The following ATP11B variants were observed in gnomAD, a reference collection of about 807,000 sequenced individuals.
ATP11B encodes ATPase phospholipid transporting 11B (putative), also known as phospholipid-transporting ATPase IF.
In ATP11B, 81 loss-of-function variants were observed where a neutral mutation model predicts 157.8. That is an observed-to-expected ratio of 0.51 (90% confidence interval 0.43 to 0.62). The LOEUF (loss-of-function observed/expected upper bound fraction) is 0.62, where lower values mean the gene tolerates loss of function less well. Among genes scored for constraint, ATP11B ranks in the 20% least tolerant of loss-of-function variants. The pLI is 0.00. For synonymous variants in ATP11B, 451 were observed against 469.4 expected (o/e 0.96, Z 0.51); for missense variants, 1,165 against 1,402.2 (o/e 0.83, Z 2.70).
intron 1 of ATP11B, among the ~76,000 whole-genome samples, chr3:182,810,820 G>T (rs1169328418): frequency 1.3e-5 from 2 of 152,134 alleles, no homozygotes; most frequent in East Asian, 3.8e-4. Flanking sequence ...AATACTTGTG[G>T]TATAACTTAC....
In ATP11B at chr3:182,854,210, C is replaced by G. The variant is rs978495308; in HGVS notation, c.852-3668C>G. Among the ~76,000 whole-genome samples the G allele has an allele frequency of 2.0e-5, 3 of 152,262 alleles. No homozygotes were observed. The South Asian group carries it at 6.2e-4, about 32-fold the overall frequency. ...AAGAGCTGGGCGCGGTGGCTCACAC[C>G]AGTAATCCCAGCACTTTGGGAGGCC... On this transcript the variant is annotated intron_variant, in intron 10 of 29. Coordinates refer to ENST00000323116, the MANE Select transcript of ATP11B (RefSeq NM_014616.3).
chr3:182,882,329 C>G (rs1398530430), intron 21 of ATP11B, among the ~76,000 whole-genome samples: 1 of 151,588 alleles, frequency 6.6e-6, no homozygotes, highest in Non-Finnish European at 1.5e-5. Context: ...ACATTTAAGG[C>G]TATAAAAAAA....
intron 7 of ATP11B, among the ~76,000 whole-genome samples, chr3:182,840,131 G>A (rs1718892294): frequency 1.3e-5 from 2 of 152,030 alleles, no homozygotes; most frequent in Non-Finnish European, 2.9e-5. Context: ...TTCAAATACT[G>A]TATGGTACCT....
chr3:182,857,210 A>C (rs1442595897), intron 10 of ATP11B, among the ~76,000 whole-genome samples: 1 of 152,138 alleles, frequency 6.6e-6, no homozygotes, highest in Non-Finnish European at 1.5e-5. Context: ...CAGTGGCACG[A>C]TCTCGCCTCA....
intron 10 of ATP11B, among the ~76,000 whole-genome samples, chr3:182,853,206 C>CT: frequency 6.6e-6 from 1 of 151,868 alleles, no homozygotes; most frequent in Non-Finnish European, 1.5e-5. Flanking sequence ...AAAGAGAAAC[C>CT]TTTTTTATTT....
intron 13 of ATP11B, 46 bp from the exon 14 acceptor site, chr3:182,866,222 T>C: frequency 7.1e-7 from 1 of 1,403,854 alleles, no homozygotes; most frequent in Non-Finnish European, 9.5e-7. Flanking sequence ...CTAAATGGTA[T>C]GTGGAAATGA....
chr3:182,921,269 TC>T lies in ATP11B; in HGVS notation c.*3169del, dbSNP rs1359839153. 6.6e-6 allele frequency: 1 copy of T among 152,176 alleles called. No homozygotes were observed. Among genetic ancestry groups the T allele is most frequent in the Non-Finnish European group, 1.5e-5 (1 of 68,026 alleles). The allele number at this position is 152,176 out of a possible 1,614,324, so 9.4% of individuals were successfully genotyped here. A position where few individuals can be genotyped will look rare whatever the true frequency, so the allele number is the denominator to read the frequency against. On this transcript the variant is annotated 3_prime_UTR_variant, in exon 30 of 30. Transcript: ENST00000323116. ...GTAAAACATGTTTTATTAATTTTGG[TC>T]CCCACGTACAGACATTTTATTTCTA...
intron 1 of ATP11B, among the ~76,000 whole-genome samples, chr3:182,804,239 TTTTTTTTTTC>T (rs1296101838): frequency 1.3e-5 from 2 of 149,694 alleles, no homozygotes; most frequent in Admixed American, 6.7e-5. Flanking sequence ...TTTAGATTTC[TTTTTTTTTTC>T]TTTTTTTTTC....
At chr3:182,851,024 G>A (rs1719936196) in intron 10 of ATP11B, among the ~76,000 whole-genome samples, 1 of 152,172 alleles carries the variant, frequency 6.6e-6, no homozygotes, top group East Asian at 1.9e-4. Context: ...CTTCATTAGT[G>A]GCACACACCC....
At chr3:182,836,603 A>T in intron 6 of ATP11B, 133 bp downstream of exon 6, 1 of 1,074,716 alleles carries the variant, frequency 9.3e-7, no homozygotes, top group South Asian at 1.7e-5. Flanking sequence ...TATTTCAAAA[A>T]TAAAAAGGTT....
chr3:182,815,314 G>A (rs1255463955), intron 1 of ATP11B, among the ~76,000 whole-genome samples: 1 of 152,142 alleles, frequency 6.6e-6, no homozygotes, highest in African/African-American at 2.4e-5. Context: ...CCTTAGTCTG[G>A]TCTGTTAACA....
Position 182,817,782 on chromosome 3 carries a change from T to A in ATP11B, c.28-2478T>A, listed in dbSNP as rs954909953. ...GGTGTTGCTGTAGTTATCTTGCTGT[T>A]ATTTTGGGTCCTTTTTTTTTTGTTT... On this transcript the variant is annotated intron_variant, in intron 1 of 29. Transcript: ENST00000323116. 4.6e-5 allele frequency among the ~76,000 whole-genome samples: 7 copies of A among 151,538 alleles called. No homozygotes were observed. The East Asian group carries it at 1.4e-3, about 29-fold the overall frequency.
At chr3:182,798,083 G>A (rs932041598) in intron 1 of ATP11B, among the ~76,000 whole-genome samples, 3 of 152,140 alleles carry the variant, frequency 2.0e-5, no homozygotes, top group African/African-American at 7.2e-5. Context: ...GCTGCAGTGA[G>A]CCATGATCAT....
chr3:182,828,225 C>G lies in ATP11B; in HGVS notation c.234+16C>G. On this transcript the variant is annotated intron_variant, in intron 3 of 29. Transcript: ENST00000323116. ...TTTGGTTCAGGTAAGCTTTATTACT[C>G]AATCTTAAGTTTGTAAACATAGTTT... 8.3e-7 allele frequency: 1 copy of G among 1,204,768 alleles called. No homozygotes were observed. Among genetic ancestry groups the G allele is most frequent in the Non-Finnish European group, 1.2e-6 (1 of 857,290 alleles). 74.6% of individuals were successfully genotyped at this position (1,204,768 alleles called of 1,614,324 possible).
At position 182,918,559 on chromosome 3, in the gene ATP11B, T is replaced by C. The variant is rs1034582308; in HGVS notation, c.*455T>C. 1 of 391,906 alleles carries C rather than the reference T, an allele frequency of 2.6e-6. No individual in the cohort carries two copies. The allele number at this position is 391,906 out of a possible 1,614,324, so 24.3% of individuals were successfully genotyped here. ...GAACTCTATTTTTTTATTAGAGTTATATTTAAAGCTTTTCATGGGAAAAGT... is the reference window on the plus strand; with the variant it reads ...GAACTCTATTTTTTTATTAGAGTTACATTTAAAGCTTTTCATGGGAAAAGT... On this transcript the variant is annotated 3_prime_UTR_variant, in exon 30 of 30. Transcript: ENST00000323116.
At chr3:182,909,765 A>G (rs1724635399) in intron 28 of ATP11B, among the ~76,000 whole-genome samples, 1 of 152,138 alleles carries the variant, frequency 6.6e-6, no homozygotes, top group Non-Finnish European at 1.5e-5. Context: ...AACATTCAGC[A>G]TTTTAAAAGC....
At chr3:182,814,978 A>G (rs1346630824) in intron 1 of ATP11B, among the ~76,000 whole-genome samples, 10 of 152,196 alleles carry the variant, frequency 6.6e-5, no homozygotes, top group African/African-American at 2.4e-4. Context: ...CTCCACTGAG[A>G]AGGAAGCTCT....
intron 2 of ATP11B, among the ~76,000 whole-genome samples, chr3:182,826,766 G>A (rs1717751461): frequency 6.6e-6 from 1 of 152,154 alleles, no homozygotes; most frequent in African/African-American, 2.4e-5. Context: ...ATAGGCTTTT[G>A]TGGGCTTTTC....
chr3:182,910,525 C>T (rs1489560183), intron 28 of ATP11B, among the ~76,000 whole-genome samples: 4 of 151,862 alleles, frequency 2.6e-5, no homozygotes, highest in Non-Finnish European at 5.9e-5. Flanking sequence ...GAGCTAGGAT[C>T]GATTGTGCCA....
Sources: allele counts gnomAD v4.1 joint callset (sites outside exome capture counted in the v4.1 genomes callset), GRCh38; gene constraint gnomAD v4.1.1; transcripts MANE v1.5; gene names NCBI Gene and HGNC (gene_info 2026-07-23, HGNC 2026-07-21).